The following CEP63 variants were observed in gnomAD, a reference collection of about 807,000 sequenced individuals.
CEP63 encodes centrosomal protein 63.
Under a neutral mutation model 89.1 loss-of-function variants are expected in CEP63, and 84 were observed. The observed-to-expected ratio is 0.94, with a 90% CI of 0.79 to 1.13. The LOEUF is 1.13. CEP63 is among the 50% of genes most tolerant of loss of function. The pLI is 0.00. For missense variants in CEP63, 838 were observed against 813.3 expected (o/e 1.03, Z -0.37); for synonymous variants, 267 against 272.5 (o/e 0.98, Z 0.20).
the CEP63 span, chr3:134,651,132 C>T: frequency 6.2e-4 from 925 of 1,486,764 alleles, 2 homozygotes; most frequent in Non-Finnish European, 7.7e-4. Flanking sequence ...CTGCCAAACA[C>T]GCCATTAGGG....
At chr3:134,681,299 C>G in the CEP63 span, among the ~76,000 whole-genome samples, 3 of 152,128 alleles carry the variant, frequency 2.0e-5, no homozygotes, top group Non-Finnish European at 4.4e-5. Context: ...CCTTCAGAGA[C>G]GATCTGTGAA....
chr3:134,548,099 A>G (rs1365774010), intron 9 of CEP63, among the ~76,000 whole-genome samples: 1 of 152,104 alleles, frequency 6.6e-6, no homozygotes, highest in Non-Finnish European at 1.5e-5. Context: ...TGTCTGCTGA[A>G]TCTATCCACT....
chr3:134,760,377 G>A, the CEP63 span, among the ~76,000 whole-genome samples: 1 of 152,154 alleles, frequency 6.6e-6, no homozygotes, highest in African/African-American at 2.4e-5. Context: ...CTTTTATGTG[G>A]TTTCATTTTG....
the CEP63 span, among the ~76,000 whole-genome samples, chr3:134,677,243 A>G: frequency 6.6e-6 from 1 of 152,198 alleles, no homozygotes; most frequent in Non-Finnish European, 1.5e-5. Context: ...TGGGCAACAG[A>G]GAGAGACTCC....
At chr3:134,660,051 G>A in the CEP63 span, among the ~76,000 whole-genome samples, 4 of 152,260 alleles carry the variant, frequency 2.6e-5, no homozygotes, top group African/African-American at 9.6e-5. Context: ...ATGAAATGAG[G>A]GGATGAGGGG....
At chr3:134,532,271 A>G (rs1949995138) in intron 4 of CEP63, among the ~76,000 whole-genome samples, 1 of 152,258 alleles carries the variant, frequency 6.6e-6, no homozygotes, top group Non-Finnish European at 1.5e-5. Flanking sequence ...TAGATTATAA[A>G]TAATGGAGGA....
the CEP63 span, among the ~76,000 whole-genome samples, chr3:134,776,460 T>C: frequency 2.0e-5 from 3 of 152,192 alleles, no homozygotes; most frequent in African/African-American, 7.2e-5. Flanking sequence ...GATAGTACAT[T>C]TCAATTTGGA....
the CEP63 span, among the ~76,000 whole-genome samples, chr3:134,741,348 C>T: frequency 1.5e-4 from 23 of 152,232 alleles, no homozygotes; most frequent in African/African-American, 5.1e-4. Flanking sequence ...TCTGAAGAGC[C>T]GAGGCCCCCT....
chr3:134,591,122 T>A (rs1958588254), downstream of CEP63, among the ~76,000 whole-genome samples: 1 of 152,212 alleles, frequency 6.6e-6, no homozygotes, highest in Admixed American at 6.5e-5. Context: ...ATGTTCTTAT[T>A]CTACTCTCAC....
chr3:134,750,295 G>C, the CEP63 span, among the ~76,000 whole-genome samples: 1 of 152,114 alleles, frequency 6.6e-6, no homozygotes, highest in Non-Finnish European at 1.5e-5. Context: ...GAGCCCCTCC[G>C]TCCCTGCTAG....
the CEP63 span, among the ~76,000 whole-genome samples, chr3:134,666,921 A>G: frequency 6.6e-6 from 1 of 152,172 alleles, no homozygotes; most frequent in Non-Finnish European, 1.5e-5. Context: ...CACAGCCTGC[A>G]CTAGAATCTG....
At chr3:134,653,780 C>T in the CEP63 span, among the ~76,000 whole-genome samples, 10 of 152,302 alleles carry the variant, frequency 6.6e-5, no homozygotes, top group South Asian at 2.1e-4. Context: ...AATAACAGAA[C>T]GCTCAGCCTG....
At chr3:134,683,512 T>C in the CEP63 span, among the ~76,000 whole-genome samples, 1 of 152,164 alleles carries the variant, frequency 6.6e-6, no homozygotes, top group South Asian at 2.1e-4. Flanking sequence ...ACATCATTCT[T>C]CTCTAAGGTT....
At chr3:134,610,511 C>T in the CEP63 span, 5 of 775,864 alleles carry the variant, frequency 6.4e-6, no homozygotes, top group Non-Finnish European at 1.0e-5. Context: ...TTCCTTGCTT[C>T]TTGTACTCAC....
chr3:134,740,519 G>C, the CEP63 span, among the ~76,000 whole-genome samples: 33 of 152,102 alleles, frequency 2.2e-4, no homozygotes, highest in East Asian at 3.7e-3. Context: ...GGATGGTCTC[G>C]ATCTCCTGAC....
the CEP63 span, among the ~76,000 whole-genome samples, chr3:134,605,805 G>A: frequency 6.6e-6 from 1 of 152,016 alleles, no homozygotes; most frequent in Admixed American, 6.5e-5. Context: ...TGGCCTCCAC[G>A]CCTTCCTCTG....
chr3:134,635,774 C>CA, the CEP63 span, among the ~76,000 whole-genome samples: 6 of 152,050 alleles, frequency 3.9e-5, no homozygotes, highest in South Asian at 1.2e-3. Flanking sequence ...CAACCACACA[C>CA]AAAAAAACCC....
the CEP63 span, among the ~76,000 whole-genome samples, chr3:134,668,847 A>T: frequency 6.6e-6 from 1 of 152,044 alleles, no homozygotes; most frequent in Non-Finnish European, 1.5e-5. Flanking sequence ...CACCATGTCC[A>T]TCTCTGCCAC....
chr3:134,635,124 T>A, the CEP63 span, among the ~76,000 whole-genome samples: 1 of 152,240 alleles, frequency 6.6e-6, no homozygotes, highest in Non-Finnish European at 1.5e-5. Context: ...GCTCTATTCA[T>A]AATCACCCTG....
Sources: allele counts gnomAD v4.1 joint callset (sites outside exome capture counted in the v4.1 genomes callset), GRCh38; gene constraint gnomAD v4.1.1; transcripts MANE v1.5; gene names NCBI Gene and HGNC (gene_info 2026-07-23, HGNC 2026-07-21).